The following PHLDB2 variants were observed in gnomAD, a reference collection of about 807,000 sequenced individuals.
The protein encoded by PHLDB2 is pleckstrin homology like domain family B member 2.
PHLDB2 carries 71 observed loss-of-function variants against 123.6 expected under a neutral mutation model. The observed-to-expected ratio is 0.57, with a 90% confidence interval of 0.47 to 0.70. PHLDB2 has a LOEUF of 0.70. PHLDB2 is among the 30% of genes least tolerant of loss of function. The probability of loss-of-function intolerance (pLI) is 0.00; values close to 1 mark genes in which losing one functional copy is unlikely to be tolerated. For synonymous variants in PHLDB2, 547 were observed against 541.6 expected, an observed-to-expected ratio of 1.01 and a Z score of -0.14; for missense variants, 1,446 against 1,519.5, an observed-to-expected ratio of 0.95 and a Z score of 0.80.
At chr3:111,886,448 C>CTT (rs34843747) in intron 2 of PHLDB2, among the ~76,000 whole-genome samples, 45 of 146,606 alleles carry the variant, frequency 3.1e-4, no homozygotes, top group East Asian at 1.4e-3. Flanking sequence ...TTTTTTTTGC[C>CTT]TTTTTTTTTT....
chr3:111,902,003 T>A (rs1283501244), intron 2 of PHLDB2, among the ~76,000 whole-genome samples: 1 of 152,212 alleles, frequency 6.6e-6, no homozygotes, highest in East Asian at 1.9e-4. Context: ...AAATGATATA[T>A]TTTTGTCTTT....
chr3:111,737,084 A>G (rs1313361972), intron 1 of PHLDB2, among the ~76,000 whole-genome samples: 1 of 152,224 alleles, frequency 6.6e-6, no homozygotes, highest in Non-Finnish European at 1.5e-5. Flanking sequence ...TTGAGAATCC[A>G]TTATTGTAGT....
At chr3:111,762,552 A>G (rs1041115436) in intron 1 of PHLDB2, among the ~76,000 whole-genome samples, 1 of 152,136 alleles carries the variant, frequency 6.6e-6, no homozygotes, top group Admixed American at 6.6e-5. Flanking sequence ...ACAGGCCTCT[A>G]AGTGTGATCT....
At chr3:111,861,415 T>G (rs957069585) in intron 1 of PHLDB2, among the ~76,000 whole-genome samples, 2 of 152,238 alleles carry the variant, frequency 1.3e-5, no homozygotes, top group Non-Finnish European at 1.5e-5. Context: ...GGCAAATTAT[T>G]TAATGACAAG....
At chr3:111,865,053 A>G (rs775476543) in intron 1 of PHLDB2, among the ~76,000 whole-genome samples, 1 of 152,224 alleles carries the variant, frequency 6.6e-6, no homozygotes, top group Non-Finnish European at 1.5e-5. Context: ...AGGAAAGATA[A>G]AGGCAAAAGA....
chr3:111,734,918 A>G (rs1334707396), intron 1 of PHLDB2, among the ~76,000 whole-genome samples: 1 of 152,228 alleles, frequency 6.6e-6, no homozygotes. Flanking sequence ...CAAAAAGGCC[A>G]GTAGTGGACT....
At chr3:111,902,641 G>A (rs2067260804) in intron 2 of PHLDB2, among the ~76,000 whole-genome samples, 1 of 150,000 alleles carries the variant, frequency 6.7e-6, no homozygotes, top group East Asian at 1.9e-4. Context: ...TATTTATTCA[G>A]TTTTTTTTTT....
At chr3:111,829,155 A>G (rs1400519788) in intron 1 of PHLDB2, among the ~76,000 whole-genome samples, 1 of 152,168 alleles carries the variant, frequency 6.6e-6, no homozygotes, top group Non-Finnish European at 1.5e-5. Context: ...AAAATTCTAA[A>G]AAGTCATGGA....
At chr3:111,898,345 C>G (rs1352064051) in intron 2 of PHLDB2, among the ~76,000 whole-genome samples, 1 of 152,072 alleles carries the variant, frequency 6.6e-6, no homozygotes, top group East Asian at 1.9e-4. Context: ...CCACACCCAG[C>G]TATTTTTTTA....
intron 1 of PHLDB2, among the ~76,000 whole-genome samples, chr3:111,843,159 T>C (rs1053472830): frequency 6.6e-6 from 1 of 152,212 alleles, no homozygotes. Flanking sequence ...TGTTAACCTT[T>C]AGAGAAACTG....
chr3:111,764,518 T>G (rs748201294), intron 1 of PHLDB2, among the ~76,000 whole-genome samples: 28 of 152,156 alleles, frequency 1.8e-4, no homozygotes, highest in South Asian at 4.1e-4. Context: ...CAGTCACACT[T>G]TTGTCCCAGC....
At chr3:111,901,217 A>G (rs56040604) in intron 2 of PHLDB2, among the ~76,000 whole-genome samples, 26,373 of 151,900 alleles carry the variant, frequency 0.17, 2,399 homozygotes, top group Admixed American at 0.21. Context: ...AAAATTAGCC[A>G]GACGTGGTGG....
intron 13 of PHLDB2, 82 bp from the exon 14 acceptor site, chr3:111,966,531 T>TGG: frequency 1.7e-6 from 1 of 589,464 alleles, no homozygotes. Context: ...GTCTGGGGTG[T>TGG]GTGTGTGTGT....
chr3:111,849,163 T>C (rs2064139744), intron 2 of PHLDB2, among the ~76,000 whole-genome samples: 1 of 152,102 alleles, frequency 6.6e-6, no homozygotes, highest in South Asian at 2.1e-4. Context: ...TTCTGGAGTT[T>C]GTTTCTTTTT....
intron 14 of PHLDB2, 68 bp downstream of exon 14, chr3:111,966,771 G>A: frequency 8.4e-7 from 1 of 1,190,552 alleles, no homozygotes; most frequent in South Asian, 1.3e-5. Context: ...CTTGGCATCA[G>A]ACAATACTCC....
chr3:111,872,295 C>T (rs184952283), intron 1 of PHLDB2, among the ~76,000 whole-genome samples: 31 of 152,150 alleles, frequency 2.0e-4, no homozygotes, highest in African/African-American at 5.8e-4. Context: ...TTTTTGTTTA[C>T]GTAAAATATA....
upstream of PHLDB2, among the ~76,000 whole-genome samples, chr3:111,857,669 A>T (rs2108633754): frequency 6.6e-6 from 1 of 152,296 alleles, no homozygotes; most frequent in Non-Finnish European, 1.5e-5. Context: ...AATTCCTCTA[A>T]AAAACCCGGC....
At chr3:111,828,934 C>T (rs1349917569) in intron 1 of PHLDB2, among the ~76,000 whole-genome samples, 1 of 152,210 alleles carries the variant, frequency 6.6e-6, no homozygotes, top group Non-Finnish European at 1.5e-5. Context: ...CAGTGGTCCT[C>T]TGGTATTAGC....
chr3:111,756,338 C>T (rs1274689399), intron 1 of PHLDB2, among the ~76,000 whole-genome samples: 1 of 151,962 alleles, frequency 6.6e-6, no homozygotes. Flanking sequence ...CTGGGTGCTC[C>T]TGTATTGGGT....
Sources: allele counts gnomAD v4.1 joint callset (sites outside exome capture counted in the v4.1 genomes callset), GRCh38; gene constraint gnomAD v4.1.1; transcripts MANE v1.5; gene names NCBI Gene and HGNC (gene_info 2026-07-23, HGNC 2026-07-21).